The following ARMCX4 variants were observed in gnomAD, a reference collection of about 807,000 sequenced individuals.
ARMCX4 encodes the protein armadillo repeat containing X-linked 4, also known as armadillo repeat-containing X-linked protein 4.
A neutral mutation model predicts 34.7 loss-of-function variants in ARMCX4; 3 were observed. That is an observed-to-expected ratio of 0.09 (90% CI 0.04 to 0.22). ARMCX4 has a LOEUF of 0.22. ARMCX4 is among the 10% of genes least tolerant of loss of function. ARMCX4 has a pLI of 1.00. For missense variants in ARMCX4, 1,448 were observed against 1,720.8 expected (o/e 0.84, Z 2.81); for synonymous variants, 513 against 632.8 (o/e 0.81, Z 2.84).
At chrX:101,526,002 A>G (rs1556020341) in intron 11 of ARMCX4, among the ~76,000 whole-genome samples, 2 of 111,141 alleles carry the variant, frequency 1.8e-5, no homozygotes, top group African/African-American at 3.3e-5. Flanking sequence ...GATACTCCTC[A>G]AGAAGAGCAA....
intron 4 of ARMCX4, among the ~76,000 whole-genome samples, chrX:101,471,645 G>T: frequency 9.0e-6 from 1 of 111,611 alleles, no homozygotes; most frequent in Non-Finnish European, 1.9e-5. Context: ...GTGGGTCCCT[G>T]ACCCCTGACC....
intron 4 of ARMCX4, among the ~76,000 whole-genome samples, chrX:101,479,304 CCACA>C (rs34549014): frequency 0.25 from 19,557 of 77,800 alleles, 2,350 homozygotes; most frequent in Non-Finnish European, 0.3. Context: ...ATAAAGAAAA[CCACA>C]CACACACACA....
At position 101,494,052 on chromosome X, in the gene ARMCX4, T is replaced by TGGG; in HGVS notation, c.5464_5465insGGG (p.Ala1821_Glu1822insGly). 2 of 736,544 alleles carry TGGG rather than the reference T, an allele frequency of 2.7e-6. No individual in the cohort carries two copies. Among genetic ancestry groups the TGGG allele is most frequent in the Non-Finnish European group, 3.7e-6 (2 of 539,727 alleles). 60.7% of individuals were successfully genotyped at this position (736,544 alleles called of 1,213,427 possible). A position where few individuals can be genotyped will look rare whatever the true frequency, so the allele number is the denominator to read the frequency against. ...CTGGGGCTGAGGCTGGGGCTGGGGCTGAGGCTGGGGCTGGGGCTGGGGCTG... is the reference window on the plus strand; with the variant it reads ...CTGGGGCTGAGGCTGGGGCTGGGGCTGGGGAGGCTGGGGCTGGGGCTGGGGCTG... On this transcript the variant is annotated inframe_insertion, in exon 6 of 6. Coordinates refer to ENST00000423738, the MANE Select transcript of ARMCX4 (RefSeq NM_001256155.3).
chrX:101,422,848 G>A (rs1555990315), intron 2 of ARMCX4, among the ~76,000 whole-genome samples: 3 of 111,316 alleles, frequency 2.7e-5, no homozygotes, highest in African/African-American at 9.8e-5. Flanking sequence ...AATTTCCTCA[G>A]TTATAATTTT....
At chrX:101,440,389 T>TG (rs1168195666) in intron 2 of ARMCX4, among the ~76,000 whole-genome samples, 1 of 111,705 alleles carries the variant, frequency 9.0e-6, no homozygotes, top group Non-Finnish European at 1.9e-5. Context: ...CTGCCCCTGC[T>TG]GGGGGGGTGC....
chrX:101,532,899 G>C (rs1935157909), intron 12 of ARMCX4: 2 of 111,634 alleles, frequency 1.8e-5, no homozygotes, highest in Non-Finnish European at 3.8e-5. Flanking sequence ...ATTATCCCGT[G>C]ACAGTACGGT....
intron 2 of ARMCX4, among the ~76,000 whole-genome samples, chrX:101,424,531 T>C (rs1237423972): frequency 9.0e-6 from 1 of 111,493 alleles, no homozygotes; most frequent in African/African-American, 3.3e-5. Flanking sequence ...GATCTGACAC[T>C]ATCTCCAGGT....
intron 2 of ARMCX4, among the ~76,000 whole-genome samples, chrX:101,432,874 A>G (rs35027671): frequency 0.41 from 29,852 of 73,591 alleles, 4,935 homozygotes; most frequent in Non-Finnish European, 0.52. Context: ...ATATATACAC[A>G]TATGTATACG....
At chrX:101,451,839 A>G (rs1459902320), downstream of ARMCX4, among the ~76,000 whole-genome samples, 3 of 112,484 alleles carry the variant, frequency 2.7e-5, no homozygotes, top group African/African-American at 9.7e-5. Flanking sequence ...ACGTAAAATA[A>G]CCAAAAAGAT....
chrX:101,527,751 G>A (rs782631374), intron 11 of ARMCX4, among the ~76,000 whole-genome samples: 2 of 111,546 alleles, frequency 1.8e-5, no homozygotes, highest in Non-Finnish European at 3.8e-5. Flanking sequence ...TAAATTCCTC[G>A]ACACATACAC....
intron 11 of ARMCX4, among the ~76,000 whole-genome samples, chrX:101,520,824 T>C (rs373614924): frequency 3.6e-5 from 4 of 111,450 alleles, no homozygotes; most frequent in African/African-American, 1.3e-4. Context: ...AATATTCATA[T>C]TAATTTTTCT....
intron 11 of ARMCX4, among the ~76,000 whole-genome samples, chrX:101,530,461 T>C (rs1935101187): frequency 9.0e-6 from 1 of 110,943 alleles, no homozygotes; most frequent in African/African-American, 3.3e-5. Flanking sequence ...TGTGCACATG[T>C]ACCCTAAAAC....
chrX:101,505,536 A>G (rs1370225295), intron 8 of ARMCX4, among the ~76,000 whole-genome samples: 1 of 110,997 alleles, frequency 9.0e-6, no homozygotes, highest in African/African-American at 3.3e-5. Flanking sequence ...ACAGATGATA[A>G]CAGAAGAGTA....
At chrX:101,440,629 G>A (rs1931217295) in intron 2 of ARMCX4, among the ~76,000 whole-genome samples, 1 of 111,724 alleles carries the variant, frequency 9.0e-6, no homozygotes, top group South Asian at 3.7e-4. Context: ...CACCTAGTTG[G>A]AGCTTCCTGG....
intron 4 of ARMCX4, among the ~76,000 whole-genome samples, chrX:101,460,865 G>A (rs1556001119): frequency 9.0e-6 from 1 of 111,272 alleles, no homozygotes; most frequent in Non-Finnish European, 1.9e-5. Flanking sequence ...ATGCCTCCTA[G>A]TGTTCATGCA....
At chrX:101,451,093 C>T (rs1931951802), downstream of ARMCX4, among the ~76,000 whole-genome samples, 1 of 111,416 alleles carries the variant, frequency 9.0e-6, no homozygotes, top group African/African-American at 3.3e-5. Flanking sequence ...GTCATGTGAC[C>T]CTCAGTCTTC....
upstream of ARMCX4, among the ~76,000 whole-genome samples, chrX:101,481,979 A>G (rs931537512): frequency 9.0e-6 from 1 of 111,551 alleles, no homozygotes; most frequent in Non-Finnish European, 1.9e-5. Context: ...CACACCTGTA[A>G]TCCCAGCACT....
At chrX:101,469,890 C>T (rs916627657) in intron 4 of ARMCX4, among the ~76,000 whole-genome samples, 1 of 111,416 alleles carries the variant, frequency 9.0e-6, no homozygotes, top group South Asian at 3.8e-4. Flanking sequence ...CTGGAAGTTA[C>T]CACCCCTTTT....
At chrX:101,530,703 C>T (rs1347519476) in intron 11 of ARMCX4, among the ~76,000 whole-genome samples, 2 of 110,722 alleles carry the variant, frequency 1.8e-5, no homozygotes, top group Non-Finnish European at 3.8e-5. Flanking sequence ...AAATATCCTT[C>T]AAAAATGAAG....
Sources: allele counts gnomAD v4.1 joint callset (sites outside exome capture counted in the v4.1 genomes callset), GRCh38; gene constraint gnomAD v4.1.1; transcripts MANE v1.5; gene names NCBI Gene and HGNC (gene_info 2026-07-23, HGNC 2026-07-21).